DAB1: variants seen among roughly 807,000 people sequenced by gnomAD.
The protein encoded by DAB1 is DAB adaptor protein 1, also known as disabled homolog 1.
In DAB1, 15 loss-of-function variants were observed where a neutral mutation model predicts 64.6. The observed-to-expected ratio is 0.23, with a 90% confidence interval of 0.16 to 0.36. The LOEUF (loss-of-function observed/expected upper bound fraction) is 0.36. Ranked by LOEUF, DAB1 falls within the 10% of genes least tolerant of loss-of-function variation. The pLI, the probability that DAB1 is intolerant of heterozygous loss-of-function variation, is 1.00. For missense variants in DAB1, 596 were observed against 706.7 expected, an observed-to-expected ratio of 0.84 and a Z score of 1.78; for synonymous variants, 235 against 251.9, an observed-to-expected ratio of 0.93 and a Z score of 0.64.
intron 4 of DAB1, among the ~76,000 whole-genome samples, chr1:57,079,940 G>C (rs986263840): frequency 2.6e-5 from 4 of 152,118 alleles, no homozygotes; most frequent in South Asian, 4.1e-4. Context: ...GAATTGATCA[G>C]TGTCTGCCTC....
intron 7 of DAB1, among the ~76,000 whole-genome samples, chr1:57,640,194 T>C (rs1305925327): frequency 2.0e-5 from 3 of 152,160 alleles, no homozygotes; most frequent in Admixed American, 6.5e-5. Flanking sequence ...AAATTCCTCA[T>C]CTGCCAAAAA....
chr1:57,475,844 C>T (rs1234806614), intron 7 of DAB1, among the ~76,000 whole-genome samples: 1 of 152,162 alleles, frequency 6.6e-6, no homozygotes, highest in Non-Finnish European at 1.5e-5. Flanking sequence ...CTGAGACAAA[C>T]CACAAGGCCT....
exon 2 of DAB1, chr1:58,527,292 G>T (rs753694092): frequency 1.1e-6 from 1 of 872,204 alleles, no homozygotes; most frequent in Non-Finnish European, 2.0e-6. Context: ...AATTTTGTCA[G>T]CTTCGGCCTC....
intron 2 of DAB1, among the ~76,000 whole-genome samples, chr1:57,207,446 C>T (rs1433382176): frequency 2.4e-4 from 24 of 98,406 alleles, no homozygotes; most frequent in Non-Finnish European, 2.8e-4. Context: ...TATTTCCTTT[C>T]TTTTTTTTTT....
chr1:57,024,824 C>T (rs983889098), intron 10 of DAB1, among the ~76,000 whole-genome samples: 2 of 152,196 alleles, frequency 1.3e-5, no homozygotes, highest in African/African-American at 4.8e-5. Flanking sequence ...CAGGAAGAAG[C>T]TTTTAGCCCA....
intron 2 of DAB1, among the ~76,000 whole-genome samples, chr1:57,165,808 T>C (rs1661167457): frequency 6.6e-6 from 1 of 152,212 alleles, no homozygotes; most frequent in Non-Finnish European, 1.5e-5. Flanking sequence ...CTCTCTTTTC[T>C]CCCTGTGGAG....
At chr1:57,896,372 T>C (rs1168522063) in intron 5 of DAB1, among the ~76,000 whole-genome samples, 1 of 151,352 alleles carries the variant, frequency 6.6e-6, no homozygotes. Context: ...ATTATATGCT[T>C]GTCAACTTGA....
chr1:57,538,851 AC>A (rs35912218), intron 7 of DAB1, among the ~76,000 whole-genome samples: 2 of 151,570 alleles, frequency 1.3e-5, no homozygotes, highest in Non-Finnish European at 2.9e-5. Context: ...GAGCCCACTC[AC>A]CCCCCCTACA....
chr1:57,676,213 T>A (rs1163952994), intron 6 of DAB1, among the ~76,000 whole-genome samples: 1 of 152,208 alleles, frequency 6.6e-6, no homozygotes, highest in Admixed American at 6.5e-5. Flanking sequence ...CTGATGCAAG[T>A]GCCTACAAGG....
At chr1:58,258,268 T>G (rs1340675625) in intron 4 of DAB1, among the ~76,000 whole-genome samples, 1 of 152,176 alleles carries the variant, frequency 6.6e-6, no homozygotes, top group East Asian at 1.9e-4. Flanking sequence ...CAAGGACCCA[T>G]TCTGTTTACT....
intron 1 of DAB1, among the ~76,000 whole-genome samples, chr1:57,348,878 A>G (rs1162477911): frequency 6.6e-6 from 1 of 152,154 alleles, no homozygotes; most frequent in Non-Finnish European, 1.5e-5. Flanking sequence ...GAAAGAAGCC[A>G]TATGTGCCCT....
At chr1:57,939,413 T>C (rs1645071397) in intron 5 of DAB1, among the ~76,000 whole-genome samples, 2 of 152,228 alleles carry the variant, frequency 1.3e-5, no homozygotes, top group South Asian at 4.1e-4. Context: ...TGAGATGAGC[T>C]AGATGTATAT....
intron 5 of DAB1, among the ~76,000 whole-genome samples, chr1:57,906,555 A>G (rs1644554444): frequency 6.6e-6 from 1 of 152,140 alleles, no homozygotes; most frequent in Admixed American, 6.6e-5. Context: ...GGCAGTTGCT[A>G]TGGTGTCAGG....
chr1:57,991,845 CAAAAA>C (rs56324635), intron 5 of DAB1, among the ~76,000 whole-genome samples: 1 of 60,142 alleles, frequency 1.7e-5, no homozygotes, highest in Non-Finnish European at 2.8e-5. Flanking sequence ...GGCTCTGTCT[CAAAAA>C]AAAAAAAAAA....
intron 6 of DAB1, among the ~76,000 whole-genome samples, chr1:57,747,394 C>T (rs932594784): frequency 6.6e-6 from 1 of 152,158 alleles, no homozygotes; most frequent in Non-Finnish European, 1.5e-5. Flanking sequence ...TTAATTCACA[C>T]ATTTGTCTTC....
rs373094451 is a variant in DAB1, at chr1:57,391,671, C to T, written c.-137+32259G>A. ...ACGACCCCACAAATGTGTCTTGATG[C>T]TATCAGATGAAAATAACTATATAAG... On this transcript the variant is annotated intron_variant, in intron 1 of 14. Transcript: ENST00000371236. 5.7e-4 allele frequency among the ~76,000 whole-genome samples: 86 copies of T among 152,012 alleles called. 1 individual carries two copies. In the South Asian group the frequency reaches 0.015, roughly 26 times the overall value.
intron 2 of DAB1, among the ~76,000 whole-genome samples, chr1:57,153,660 C>T (rs772301617): frequency 4.0e-5 from 6 of 151,582 alleles, no homozygotes; most frequent in African/African-American, 1.2e-4. Context: ...GTTTTTGAGA[C>T]GGAGTCTTGC....
At chr1:57,135,008 G>C (rs920174737) in intron 4 of DAB1, among the ~76,000 whole-genome samples, 6 of 152,176 alleles carry the variant, frequency 3.9e-5, no homozygotes, top group Non-Finnish European at 8.8e-5. Flanking sequence ...GAATGAAACT[G>C]AATAATGTAT....
intron 4 of DAB1, among the ~76,000 whole-genome samples, chr1:58,312,778 CACTT>C (rs1376967648): frequency 1.3e-5 from 2 of 152,148 alleles, no homozygotes; most frequent in Non-Finnish European, 2.9e-5. Context: ...CAGCTGTACT[CACTT>C]ACTAGTTGTG....
Sources: allele counts gnomAD v4.1 joint callset (sites outside exome capture counted in the v4.1 genomes callset), GRCh38; gene constraint gnomAD v4.1.1; transcripts MANE v1.5; gene names NCBI Gene and HGNC (gene_info 2026-07-23, HGNC 2026-07-21).